HIVEP3: variants seen among roughly 807,000 people sequenced by gnomAD.
HIVEP3 encodes the protein HIVEP zinc finger 3, also known as transcription factor HIVEP3.
A neutral mutation model predicts 152.8 loss-of-function variants in HIVEP3; 49 were observed. The ratio of observed to expected loss-of-function variants is 0.32; its 90% confidence interval spans 0.26 to 0.41. The LOEUF (loss-of-function observed/expected upper bound fraction) is 0.41. Ranked by LOEUF, HIVEP3 falls within the 10% of genes least tolerant of loss-of-function variation. The pLI is 1.00. For synonymous variants in HIVEP3, 1,269 were observed against 1,289.0 expected (o/e 0.98, Z 0.33); for missense variants, 2,790 against 3,103.3 (o/e 0.90, Z 2.40).
At chr1:41,829,321 A>G (rs966702368) in intron 1 of HIVEP3, among the ~76,000 whole-genome samples, 4 of 152,246 alleles carry the variant, frequency 2.6e-5, no homozygotes, top group African/African-American at 9.6e-5. Context: ...GTAGTGTTTT[A>G]TCACTTTCCA....
At chr1:41,742,165 T>A (rs1372307754) in intron 1 of HIVEP3, among the ~76,000 whole-genome samples, 1 of 152,154 alleles carries the variant, frequency 6.6e-6, no homozygotes, top group Non-Finnish European at 1.5e-5. Context: ...TGTCCATCCA[T>A]CCATCCACCC....
chr1:41,892,299 T>A (rs1453753331), intron 1 of HIVEP3, among the ~76,000 whole-genome samples: 5 of 152,164 alleles, frequency 3.3e-5, no homozygotes, highest in Non-Finnish European at 7.4e-5. Flanking sequence ...TATTGCTAGC[T>A]CTGAGACTTT....
chr1:41,809,320 A>G (rs1197218121), intron 1 of HIVEP3, among the ~76,000 whole-genome samples: 1 of 152,224 alleles, frequency 6.6e-6, no homozygotes, highest in East Asian at 1.9e-4. Context: ...GACTTGGAAC[A>G]GTGTGAGGAC....
At chr1:41,763,864 G>C (rs992539171) in intron 1 of HIVEP3, among the ~76,000 whole-genome samples, 2 of 152,240 alleles carry the variant, frequency 1.3e-5, no homozygotes, top group Admixed American at 1.3e-4. Flanking sequence ...GGATGTAATT[G>C]CTACTAACTA....
chr1:41,575,414 G>C (rs916694388), intron 5 of HIVEP3, 130 bp downstream of exon 5: 5 of 889,958 alleles, frequency 5.6e-6, no homozygotes, highest in Non-Finnish European at 8.8e-6. Flanking sequence ...CTGCTGAAAG[G>C]CATCGCTGGG....
intron 3 of HIVEP3, among the ~76,000 whole-genome samples, chr1:41,592,120 G>A (rs1272875925): frequency 6.6e-6 from 1 of 152,148 alleles, no homozygotes; most frequent in Non-Finnish European, 1.5e-5. Context: ...ACAGGCAGCC[G>A]GCTGCCTCCC....
At chr1:41,819,710 A>T (rs1312621226) in intron 1 of HIVEP3, among the ~76,000 whole-genome samples, 1 of 152,206 alleles carries the variant, frequency 6.6e-6, no homozygotes, top group African/African-American at 2.4e-5. Context: ...AGAGACATAT[A>T]TGATATTGGG....
At chr1:41,897,957 G>GAGAGAGAGAGAGAC (rs1644559473) in intron 1 of HIVEP3, among the ~76,000 whole-genome samples, 1 of 142,650 alleles carries the variant, frequency 7.0e-6, no homozygotes, top group Non-Finnish European at 1.5e-5. Flanking sequence ...GAGAGAGAGA[G>GAGAGAGAGAGAGAC]AGAGAGAGAG....
At chr1:41,689,971 G>T (rs935783542) in intron 2 of HIVEP3, among the ~76,000 whole-genome samples, 4 of 152,246 alleles carry the variant, frequency 2.6e-5, no homozygotes, top group Non-Finnish European at 5.9e-5. Flanking sequence ...CCGGGGCCTT[G>T]GCAGCCTTCA....
At chr1:41,937,997 G>T (rs996213181) in intron 1 of HIVEP3, among the ~76,000 whole-genome samples, 1 of 152,110 alleles carries the variant, frequency 6.6e-6, no homozygotes, top group African/African-American at 2.4e-5. Context: ...ATGTGTCTGG[G>T]GTGTGTCACC....
chr1:41,777,741 C>T (rs1648797755), intron 1 of HIVEP3, among the ~76,000 whole-genome samples: 1 of 152,242 alleles, frequency 6.6e-6, no homozygotes, highest in Non-Finnish European at 1.5e-5. Context: ...TAAAAGCAAA[C>T]ATCTGCTGGG....
rs924930475 is a variant in HIVEP3, at chr1:41,509,321, G to C, written c.*1130C>G. ...GGGTAGTGGAGACAGGGGCAGGGAC[G>C]GGGGGAAACGGTCCTGTGGCAAAGT... On this transcript the variant is annotated 3_prime_UTR_variant, in exon 9 of 9. Coordinates refer to ENST00000372583, the MANE Select transcript of HIVEP3 (RefSeq NM_024503.5). The C allele has an allele frequency of 6.6e-6, 1 of 152,156 alleles. No homozygotes were observed. Among genetic ancestry groups the C allele is most frequent in the African/African-American group, 2.4e-5 (1 of 41,414 alleles). The allele number at this position is 152,156 out of a possible 1,614,324, so 9.4% of individuals were successfully genotyped here.
intron 3 of HIVEP3, among the ~76,000 whole-genome samples, chr1:41,596,533 G>T (rs1644668674): frequency 6.6e-6 from 1 of 152,192 alleles, no homozygotes; most frequent in Non-Finnish European, 1.5e-5. Flanking sequence ...CCTCCCCCTG[G>T]CCTGGGCAGG....
chr1:41,753,706 T>TAAATAAATAAAA (rs371969654), intron 1 of HIVEP3, among the ~76,000 whole-genome samples: 2,054 of 149,456 alleles, frequency 0.014, 21 homozygotes, highest in Middle Eastern at 0.031. Flanking sequence ...AATAAATAAA[T>TAAATAAATAAAA]AAAAATAGAA....
chr1:41,562,624 TCTCTCTCTCCCTCTCTCTC>T (rs1644091766), intron 5 of HIVEP3, among the ~76,000 whole-genome samples: 2 of 109,878 alleles, frequency 1.8e-5, no homozygotes, highest in Admixed American at 8.4e-5. Context: ...TCTCTCTCTC[TCTCTCTCTCCCTCTCTCTC>T]TCTTTCTTTC....
At chr1:41,656,245 C>G (rs193033987) in intron 2 of HIVEP3, among the ~76,000 whole-genome samples, 3 of 152,306 alleles carry the variant, frequency 2.0e-5, no homozygotes, top group African/African-American at 2.4e-5. Context: ...AGTTCACTTC[C>G]TTACTGTATT....
At chr1:41,950,883 A>T (rs1176536990) in intron 1 of HIVEP3, among the ~76,000 whole-genome samples, 2 of 152,226 alleles carry the variant, frequency 1.3e-5, no homozygotes, top group Admixed American at 6.5e-5. Flanking sequence ...TGGTCCATAT[A>T]AGTAAAAATG....
chr1:41,787,892 T>C (rs529617210), intron 1 of HIVEP3, among the ~76,000 whole-genome samples: 5 of 151,740 alleles, frequency 3.3e-5, no homozygotes, highest in African/African-American at 9.7e-5. Context: ...GCAGAGATAG[T>C]GAAAGAAATA....
At chr1:41,717,823 G>A (rs535700222) in intron 1 of HIVEP3, among the ~76,000 whole-genome samples, 1 of 152,280 alleles carries the variant, frequency 6.6e-6, no homozygotes, top group East Asian at 1.9e-4. Context: ...CCAGAGGATG[G>A]ACATTGACTG....
Sources: allele counts gnomAD v4.1 joint callset (sites outside exome capture counted in the v4.1 genomes callset), GRCh38; gene constraint gnomAD v4.1.1; transcripts MANE v1.5; gene names NCBI Gene and HGNC (gene_info 2026-07-23, HGNC 2026-07-21).